The following TOX variants were observed in gnomAD, a reference collection of about 807,000 sequenced individuals.
The protein encoded by TOX is thymocyte selection associated high mobility group box, also known as thymocyte selection-associated high mobility group box protein TOX.
TOX carries 11 observed loss-of-function variants against 53.7 expected under a neutral mutation model. The observed-to-expected ratio is 0.20, with a 90% CI of 0.13 to 0.34. The LOEUF is 0.34. Among genes scored for constraint, TOX ranks in the 10% least tolerant of loss-of-function variants. The probability of loss-of-function intolerance (pLI) is 1.00; values close to 1 mark genes in which losing one functional copy is unlikely to be tolerated. For synonymous variants in TOX, 225 were observed against 245.3 expected (o/e 0.92, Z 0.77); for missense variants, 570 against 664.6 (o/e 0.86, Z 1.56).
chr8:58,954,882 G>T (rs1812684063), intron 2 of TOX, among the ~76,000 whole-genome samples: 1 of 152,138 alleles, frequency 6.6e-6, no homozygotes, highest in South Asian at 2.1e-4. Context: ...CTGATTATAA[G>T]CCATAAAGAA....
At chr8:58,956,366 A>G (rs532442776) in intron 2 of TOX, among the ~76,000 whole-genome samples, 2 of 152,272 alleles carry the variant, frequency 1.3e-5, no homozygotes, top group Admixed American at 1.3e-4. Context: ...TGAGGTGGGA[A>G]GCCCAATGCC....
intron 1 of TOX, among the ~76,000 whole-genome samples, chr8:58,997,941 C>A (rs1290747810): frequency 6.6e-6 from 1 of 151,918 alleles, no homozygotes; most frequent in East Asian, 1.9e-4. Flanking sequence ...TACAGGTGCC[C>A]GCCACCATGC....
chr8:58,892,798 G>A (rs979075295), intron 3 of TOX, among the ~76,000 whole-genome samples: 2 of 152,128 alleles, frequency 1.3e-5, no homozygotes, highest in Non-Finnish European at 2.9e-5. Context: ...CATTAATTCT[G>A]TACGACCTTG....
chr8:59,011,731 A>AATT (rs1813908892), intron 1 of TOX, among the ~76,000 whole-genome samples: 1 of 152,144 alleles, frequency 6.6e-6, no homozygotes, highest in Non-Finnish European at 1.5e-5. Flanking sequence ...TAATAATAAT[A>AATT]ATAACCACCT....
chr8:58,932,162 G>A (rs868753224), intron 3 of TOX, among the ~76,000 whole-genome samples: 3 of 151,728 alleles, frequency 2.0e-5, no homozygotes, highest in Non-Finnish European at 2.9e-5. Context: ...CAACCAACCC[G>A]CATATTTATT....
At chr8:58,948,769 C>T (rs999671235) in intron 2 of TOX, among the ~76,000 whole-genome samples, 1 of 151,960 alleles carries the variant, frequency 6.6e-6, no homozygotes, top group Non-Finnish European at 1.5e-5. Context: ...ATTCTGAGAT[C>T]CAGTTCTATA....
chr8:58,992,527 T>C (rs921676655), intron 1 of TOX, among the ~76,000 whole-genome samples: 8 of 152,318 alleles, frequency 5.3e-5, no homozygotes, highest in Admixed American at 1.3e-4. Context: ...TTCTTCTGTA[T>C]GGATTCATGG....
intron 2 of TOX, among the ~76,000 whole-genome samples, chr8:58,944,463 T>A (rs62508361): frequency 0.068 from 10,404 of 152,298 alleles, 552 homozygotes; most frequent in Admixed American, 0.16. Flanking sequence ...AAGTGCTACA[T>A]CTTTCTCTGA....
chr8:58,828,678 C>A (rs1010188860), intron 5 of TOX, among the ~76,000 whole-genome samples: 21 of 152,052 alleles, frequency 1.4e-4, no homozygotes, highest in East Asian at 1.4e-3. Context: ...AGCCTTGGTG[C>A]AGCCATGAAA....
chr8:58,875,377 C>T (rs1439123361), intron 3 of TOX, among the ~76,000 whole-genome samples: 2 of 152,020 alleles, frequency 1.3e-5, no homozygotes, highest in Non-Finnish European at 2.9e-5. Context: ...CATGTATTGT[C>T]TATTAAGGGA....
rs988185764 is a variant in TOX at position 59,117,355 on chromosome 8, C to A, written c.102+1531G>T. Among the ~76,000 whole-genome samples the A allele has an allele frequency of 9.9e-5, 15 of 152,238 alleles. No homozygotes were observed. Among genetic ancestry groups the A allele is most frequent in the African/African-American group, 3.6e-4 (15 of 41,462 alleles). The stretch of plus-strand genomic sequence containing the variant: ...CTCCTATGCGCTTGCCAAAGTTCCC[C>A]GTACCTTTCAACTTGCCCGTAGCTG... On this transcript the variant is annotated intron_variant, in intron 1 of 8. Coordinates refer to ENST00000361421, the MANE Select transcript of TOX (RefSeq NM_014729.3). This position sits in a 1 kb window ranked among gnomAD's most constrained non-coding sequence, Gnocchi z 4.6.
rs563029810 is a variant in TOX at position 58,986,012 on chromosome 8, T to A, written c.103-26004A>T. Among the ~76,000 whole-genome samples, 3 of 152,334 alleles carry A rather than the reference T, an allele frequency of 2.0e-5. No homozygotes were observed. In the South Asian group the frequency reaches 6.2e-4, roughly 32 times the overall value. ...TATCAGTGTTGATCTATAATTTATGTGCTCTGATTATTGTTCAAATATTAA... is the reference window on the plus strand; with the variant it reads ...TATCAGTGTTGATCTATAATTTATGAGCTCTGATTATTGTTCAAATATTAA... On this transcript the variant is annotated intron_variant, in intron 1 of 8. Coordinates refer to ENST00000361421, the MANE Select transcript of TOX (RefSeq NM_014729.3).
intron 3 of TOX, among the ~76,000 whole-genome samples, chr8:58,855,374 C>A (rs766895510): frequency 5.3e-5 from 8 of 152,152 alleles, no homozygotes; most frequent in Admixed American, 1.3e-4. Flanking sequence ...AGTTTTCTTT[C>A]TCAAATCTAT....
chr8:58,905,458 A>G (rs1467838379), intron 3 of TOX, among the ~76,000 whole-genome samples: 2 of 152,176 alleles, frequency 1.3e-5, no homozygotes, highest in Non-Finnish European at 2.9e-5. Flanking sequence ...ATAGTTTCCT[A>G]GAGTTTGCTT....
chr8:59,010,163 G>T (rs947684137), intron 1 of TOX, among the ~76,000 whole-genome samples: 6 of 152,080 alleles, frequency 3.9e-5, no homozygotes, highest in African/African-American at 7.2e-5. Flanking sequence ...TAAATATTGG[G>T]CCAGATACTT....
chr8:58,829,132 T>C (rs982038387), intron 5 of TOX, among the ~76,000 whole-genome samples: 1 of 152,180 alleles, frequency 6.6e-6, no homozygotes, highest in African/African-American at 2.4e-5. Flanking sequence ...ATCATTTTTC[T>C]TTCATTGGTT....
At chr8:58,982,498 C>G (rs1455562352) in intron 1 of TOX, among the ~76,000 whole-genome samples, 1 of 152,222 alleles carries the variant, frequency 6.6e-6, no homozygotes, top group East Asian at 1.9e-4. Flanking sequence ...CCCTCTAAAA[C>G]TGGTCCTCTA....
chr8:58,898,704 T>A (rs940621791), intron 3 of TOX, among the ~76,000 whole-genome samples: 3 of 152,144 alleles, frequency 2.0e-5, no homozygotes, highest in Non-Finnish European at 4.4e-5. Context: ...TCTTCTCAGA[T>A]GAAGAGAGTT....
At chr8:59,079,744 C>T (rs1489192199) in intron 1 of TOX, among the ~76,000 whole-genome samples, 1 of 152,126 alleles carries the variant, frequency 6.6e-6, no homozygotes, top group Non-Finnish European at 1.5e-5. Context: ...TTAGAAGCCC[C>T]ACACACAGTC....
Sources: allele counts gnomAD v4.1 joint callset (sites outside exome capture counted in the v4.1 genomes callset), GRCh38; gene constraint gnomAD v4.1.1; non-coding constraint Gnocchi (gnomAD v3.1); transcripts MANE v1.5; gene names NCBI Gene and HGNC (gene_info 2026-07-23, HGNC 2026-07-21).